MRPL1: variants seen among roughly 807,000 people sequenced by gnomAD.
The protein encoded by MRPL1 is large ribosomal subunit protein uL1m.
A neutral mutation model predicts 38.0 loss-of-function variants in MRPL1; 28 were observed. The observed-to-expected ratio is 0.74, with a 90% CI of 0.55 to 1.01. MRPL1 has a LOEUF of 1.01. MRPL1 is among the 50% of genes least tolerant of loss of function. The pLI, the probability that MRPL1 is intolerant of heterozygous loss-of-function variation, is 0.00. For missense variants in MRPL1, 358 were observed against 389.8 expected (o/e 0.92, Z 0.69); for synonymous variants, 123 against 126.7 (o/e 0.97, Z 0.20).
intron 7 of MRPL1, among the ~76,000 whole-genome samples, chr4:77,932,623 A>G (rs1736873751): frequency 6.6e-6 from 1 of 152,056 alleles, no homozygotes; most frequent in African/African-American, 2.4e-5. Context: ...CATAAGCAAC[A>G]CACTTCAGGT....
chr4:77,923,011 T>C (rs1395741379), intron 7 of MRPL1, among the ~76,000 whole-genome samples: 2 of 152,226 alleles, frequency 1.3e-5, no homozygotes, highest in African/African-American at 2.4e-5. Context: ...TGTTTGCTGT[T>C]TGTTTAAATA....
intron 7 of MRPL1, among the ~76,000 whole-genome samples, chr4:77,923,471 A>G (rs1736627189): frequency 6.6e-6 from 1 of 152,174 alleles, no homozygotes; most frequent in African/African-American, 2.4e-5. Context: ...TGAGATAATT[A>G]TTTTCTATAA....
intron 5 of MRPL1, among the ~76,000 whole-genome samples, chr4:77,888,479 G>C (rs920718200): frequency 2.0e-5 from 3 of 152,058 alleles, no homozygotes; most frequent in African/African-American, 7.2e-5. Flanking sequence ...CTCCAGCCTA[G>C]GCAACAGAGC....
In MRPL1 at chr4:77,883,305, A is replaced by C; in HGVS notation, c.207A>C (p.Ile69=). The change falls in exon 3 of 9, where the codon ATA becomes ATC. Residue 69 remains isoleucine (I), a synonymous_variant. Transcript: ENST00000315567. ...CACCAGATGAGAAAAAAGATGAAAT[A>C]GAAAAAATAAAAGCATATCCCTATA... The part of the protein sequence containing the change: ...EKTPDEKKDE[I]EKIKAYPYME... The C allele has an allele frequency of 6.2e-7, 1 of 1,603,954 alleles. No individual in the cohort carries two copies. Among genetic ancestry groups the C allele is most frequent in the Non-Finnish European group, 8.5e-7 (1 of 1,177,390 alleles).
rs1347009863 is a variant in MRPL1 at position 77,892,657 on chromosome 4, G to A, written c.559-1482G>A. Among the ~76,000 whole-genome samples the A allele has an allele frequency of 2.0e-5, 3 of 152,122 alleles. No homozygotes were observed. The East Asian group carries it at 5.8e-4, about 29-fold the overall frequency. On this transcript the variant is annotated intron_variant, in intron 5 of 8. Transcript: ENST00000315567. Reference sequence around the variant, plus strand: ...TTTAAAGGAACATGTCATAGAATTAGGATTGGAAAATCTTGAAATAGAAAT... The same window carrying A: ...TTTAAAGGAACATGTCATAGAATTAAGATTGGAAAATCTTGAAATAGAAAT...
chr4:77,865,730 A>G (rs536186210), intron 1 of MRPL1, among the ~76,000 whole-genome samples: 27 of 152,154 alleles, frequency 1.8e-4, no homozygotes, highest in Non-Finnish European at 4.0e-4. Flanking sequence ...CTTTACGCTT[A>G]AAATAAATCC....
At chr4:77,938,794 A>C (rs1297424412) in intron 7 of MRPL1, among the ~76,000 whole-genome samples, 1 of 152,120 alleles carries the variant, frequency 6.6e-6, no homozygotes, top group East Asian at 1.9e-4. Flanking sequence ...TGGTATAAGC[A>C]TATGCACCTA....
intron 4 of MRPL1, among the ~76,000 whole-genome samples, chr4:77,886,269 G>T (rs1735673385): frequency 6.6e-6 from 1 of 152,120 alleles, no homozygotes; most frequent in South Asian, 2.1e-4. Context: ...CTGGGCTGAA[G>T]CGATTCTCCT....
chr4:77,899,722 G>A (rs1735996058), intron 6 of MRPL1, among the ~76,000 whole-genome samples: 1 of 152,002 alleles, frequency 6.6e-6, no homozygotes, highest in African/African-American at 2.4e-5. Flanking sequence ...GTATAGTATA[G>A]GTTATGTTCA....
At chr4:77,905,206 A>G (rs1324635990) in intron 6 of MRPL1, among the ~76,000 whole-genome samples, 2 of 152,010 alleles carry the variant, frequency 1.3e-5, no homozygotes, top group African/African-American at 4.8e-5. Context: ...TGTACAAAAG[A>G]ATATACGTGG....
chr4:77,873,296 C>T (rs528442515), intron 2 of MRPL1, among the ~76,000 whole-genome samples: 3 of 152,258 alleles, frequency 2.0e-5, no homozygotes, highest in South Asian at 2.1e-4. Context: ...TTAAGTAATA[C>T]GTTCAAAGTT....
intron 7 of MRPL1, among the ~76,000 whole-genome samples, chr4:77,910,912 G>T (rs1736272910): frequency 6.6e-6 from 1 of 152,150 alleles, no homozygotes; most frequent in African/African-American, 2.4e-5. Context: ...AAAGGCCTTT[G>T]ACAGTACTTC....
In MRPL1 at chr4:77,952,750, CA is replaced by C. The variant is rs2110271480; in HGVS notation, c.*145del. ...ACATTGAAAAATCGTACAGTCATTT[CA>C]AGAATAAGAAAATAAAATTTTCTCT... On this transcript the variant is annotated 3_prime_UTR_variant, in exon 9 of 9. Transcript: ENST00000315567. 3 of 590,790 alleles carry C rather than the reference CA, an allele frequency of 5.1e-6. No homozygotes were observed. Among genetic ancestry groups the C allele is most frequent in the Non-Finnish European group, 8.7e-6 (3 of 345,892 alleles). 36.6% of individuals were successfully genotyped at this position (590,790 alleles called of 1,614,324 possible). A position where few individuals can be genotyped will look rare whatever the true frequency, so the allele number is the denominator to read the frequency against.
chr4:77,941,593 G>C (rs1275127311), intron 7 of MRPL1, among the ~76,000 whole-genome samples: 1 of 151,954 alleles, frequency 6.6e-6, no homozygotes, highest in Non-Finnish European at 1.5e-5. Flanking sequence ...TTTCTTCCTG[G>C]TTTAATCTAG....
Position 77,883,474 on chromosome 4 carries a change from A to C in MRPL1, c.376A>C (p.Thr126Pro). 1 of 1,613,624 alleles carries C rather than the reference A, an allele frequency of 6.2e-7. No homozygotes were observed. The highest frequency in any genetic ancestry group is 8.5e-7 in the Non-Finnish European group (1 of 1,179,802). ...SPKQSVYLDLTLDMALGKKKN... is the reference protein window; with the variant it reads ...SPKQSVYLDLPLDMALGKKKN... The stretch of plus-strand genomic sequence containing the variant: ...AAAGCAAAGTGTTTATCTTGATTTG[A>C]CACTGGATATGGCACTGGGAAAGAA... The change falls in exon 3 of 9, where the codon ACA becomes CCA. Residue 126 changes from threonine to proline, a missense_variant. Transcript: ENST00000315567.
At chr4:77,941,704 A>G (rs995676003) in intron 7 of MRPL1, among the ~76,000 whole-genome samples, 1 of 152,102 alleles carries the variant, frequency 6.6e-6, no homozygotes, top group African/African-American at 2.4e-5. Context: ...TTTCTGTGGT[A>G]TCAGTTTTAA....
At chr4:77,902,736 A>T (rs748957236) in intron 6 of MRPL1, among the ~76,000 whole-genome samples, 1 of 152,220 alleles carries the variant, frequency 6.6e-6, no homozygotes, top group Non-Finnish European at 1.5e-5. Flanking sequence ...GAATACATTT[A>T]TGCAAATAAA....
chr4:77,910,549 C>T (rs1736264406), intron 7 of MRPL1, among the ~76,000 whole-genome samples: 1 of 152,114 alleles, frequency 6.6e-6, no homozygotes, highest in African/African-American at 2.4e-5. Context: ...GAGGCGATCC[C>T]TGGGATCACC....
chr4:77,915,614 A>G (rs74988652), intron 7 of MRPL1, among the ~76,000 whole-genome samples: 3,269 of 152,120 alleles, frequency 0.021, 127 homozygotes, highest in East Asian at 0.18. Context: ...GGGTTTTGCC[A>G]TGTTGCCTAG....
Sources: gnomAD v4.1 joint callset for allele counts (sites outside exome capture counted in the v4.1 genomes callset) on GRCh38, gnomAD v4.1.1 for gene constraint, MANE v1.5 for transcripts, NCBI Gene and HGNC (gene_info 2026-07-23, HGNC 2026-07-21) for gene names.